DLG2: variants seen among roughly 807,000 people sequenced by gnomAD.
DLG2 encodes the protein disks large homolog 2.
A neutral mutation model predicts 132.5 loss-of-function variants in DLG2; 45 were observed. That is an observed-to-expected ratio of 0.34 (90% confidence interval 0.27 to 0.44). The LOEUF (loss-of-function observed/expected upper bound fraction) is 0.44. Ranked by LOEUF, DLG2 falls within the 20% of genes least tolerant of loss-of-function variation. The pLI, the probability that DLG2 is intolerant of heterozygous loss-of-function variation, is 1.00. For synonymous variants in DLG2, 424 were observed against 419.6 expected (o/e 1.01, Z -0.13); for missense variants, 1,045 against 1,196.9 (o/e 0.87, Z 1.87).
intron 18 of DLG2, among the ~76,000 whole-genome samples, chr11:83,717,807 A>G (rs956812094): frequency 1.3e-5 from 2 of 152,228 alleles, no homozygotes; most frequent in Non-Finnish European, 2.9e-5. Flanking sequence ...TGACACAGAA[A>G]AAAAGGTGGC....
At chr11:84,086,652 G>C (rs1359165695) in intron 10 of DLG2, among the ~76,000 whole-genome samples, 2 of 151,742 alleles carry the variant, frequency 1.3e-5, no homozygotes, top group African/African-American at 4.8e-5. Context: ...ACCACACCTG[G>C]CTAATTTTTG....
chr11:84,713,708 A>T (rs1241384489), intron 6 of DLG2, among the ~76,000 whole-genome samples: 1 of 152,132 alleles, frequency 6.6e-6, no homozygotes, highest in Non-Finnish European at 1.5e-5. Flanking sequence ...TATAACTATG[A>T]TTAAAATAAA....
intron 3 of DLG2, among the ~76,000 whole-genome samples, chr11:85,302,715 T>C (rs2079674790): frequency 6.6e-6 from 1 of 151,266 alleles, no homozygotes; most frequent in Admixed American, 6.6e-5. Flanking sequence ...AACAGAGAGC[T>C]GCACATTCAG....
intron 3 of DLG2, among the ~76,000 whole-genome samples, chr11:85,361,242 G>A (rs547841879): frequency 5.3e-5 from 8 of 152,022 alleles, no homozygotes; most frequent in African/African-American, 1.4e-4. Flanking sequence ...TGCAAACTCC[G>A]CCTCCCTGGT....
At chr11:85,411,816 G>C (rs2089336777) in intron 3 of DLG2, among the ~76,000 whole-genome samples, 1 of 151,750 alleles carries the variant, frequency 6.6e-6, no homozygotes, top group Non-Finnish European at 1.5e-5. Context: ...TCTAATTCTA[G>C]CCTAAGAACA....
At chr11:83,951,964 A>G (rs2085551189) in intron 14 of DLG2, among the ~76,000 whole-genome samples, 1 of 152,206 alleles carries the variant, frequency 6.6e-6, no homozygotes, top group African/African-American at 2.4e-5. Flanking sequence ...GACTGCATAT[A>G]GAATATGAAA....
At chr11:84,704,002 T>G (rs998480933) in intron 6 of DLG2, among the ~76,000 whole-genome samples, 6 of 150,320 alleles carry the variant, frequency 4.0e-5, no homozygotes, top group Non-Finnish European at 8.9e-5. Context: ...ATAACAGTAA[T>G]AACAGCAGCC....
intron 7 of DLG2, among the ~76,000 whole-genome samples, chr11:84,527,667 T>TA (rs1290226726): frequency 6.6e-6 from 1 of 152,218 alleles, no homozygotes; most frequent in African/African-American, 2.4e-5. Flanking sequence ...TGTAATTAGT[T>TA]ACTGAACCTA....
intron 3 of DLG2, among the ~76,000 whole-genome samples, chr11:85,379,842 G>C (rs957098014): frequency 6.6e-6 from 1 of 152,090 alleles, no homozygotes; most frequent in African/African-American, 2.4e-5. Flanking sequence ...AATGGTGGTG[G>C]TACTTTTTAC....
intron 6 of DLG2, chr11:84,800,585 A>C (rs1383115940): frequency 1.3e-5 from 2 of 152,222 alleles, no homozygotes; most frequent in Non-Finnish European, 2.9e-5. Context: ...GACAAGAAGA[A>C]GGCCAAGGCA....
At chr11:85,353,961 C>T (rs2083492775) in intron 3 of DLG2, among the ~76,000 whole-genome samples, 1 of 150,124 alleles carries the variant, frequency 6.7e-6, no homozygotes, top group African/African-American at 2.5e-5. Flanking sequence ...ACGTCGTGCA[C>T]ATGTACCCTA....
At chr11:85,331,642 C>T (rs2081757285) in intron 3 of DLG2, among the ~76,000 whole-genome samples, 1 of 152,032 alleles carries the variant, frequency 6.6e-6, no homozygotes, top group Admixed American at 6.6e-5. Flanking sequence ...AGTAGTAGGC[C>T]CCGGTGGCTA....
intron 4 of DLG2, among the ~76,000 whole-genome samples, chr11:85,162,191 C>T (rs2078084885): frequency 6.6e-6 from 1 of 152,132 alleles, no homozygotes; most frequent in Non-Finnish European, 1.5e-5. Flanking sequence ...CAGTGTACTA[C>T]TCCACAACGG....
intron 9 of DLG2, among the ~76,000 whole-genome samples, chr11:84,152,332 G>GTT (rs2095316264): frequency 6.9e-6 from 1 of 145,972 alleles, no homozygotes; most frequent in African/African-American, 2.6e-5. Context: ...TTTAAAATCT[G>GTT]TTTGTTTGTT....
chr11:85,195,359 C>T (rs2080949383), intron 4 of DLG2, among the ~76,000 whole-genome samples: 1 of 151,980 alleles, frequency 6.6e-6, no homozygotes, highest in Non-Finnish European at 1.5e-5. Context: ...ATTAACCTCC[C>T]CACTGAAGCC....
intron 3 of DLG2, among the ~76,000 whole-genome samples, chr11:85,395,298 T>A (rs2087211950): frequency 6.6e-6 from 1 of 152,140 alleles, no homozygotes; most frequent in African/African-American, 2.4e-5. Context: ...CCAGGGTGGC[T>A]GAATAGGAAC....
chr11:83,698,263 C>A (rs1431495709), intron 18 of DLG2, among the ~76,000 whole-genome samples: 1 of 152,076 alleles, frequency 6.6e-6, no homozygotes, highest in African/African-American at 2.4e-5. Flanking sequence ...GGCTAAAAAC[C>A]CTGTTTCAAA....
intron 6 of DLG2, among the ~76,000 whole-genome samples, chr11:84,701,478 A>T (rs953991581): frequency 6.6e-6 from 1 of 151,642 alleles, no homozygotes; most frequent in African/African-American, 2.4e-5. Flanking sequence ...ATAGATACTG[A>T]ATGCATGATA....
At chr11:83,522,267 T>C (rs375067680) in intron 21 of DLG2, among the ~76,000 whole-genome samples, 4 of 152,314 alleles carry the variant, frequency 2.6e-5, no homozygotes, top group East Asian at 3.9e-4. Flanking sequence ...TAAGACTCTA[T>C]TCATGTTTTG....
Sources: gnomAD v4.1 joint callset for allele counts (sites outside exome capture counted in the v4.1 genomes callset) on GRCh38, gnomAD v4.1.1 for gene constraint, MANE v1.5 for transcripts, NCBI Gene and HGNC (gene_info 2026-07-23, HGNC 2026-07-21) for gene names.